ZNF845: variants seen among roughly 807,000 people sequenced by gnomAD.
ZNF845 encodes the protein zinc finger protein 845.
ZNF845 carries 59 observed loss-of-function variants against 76.1 expected under a neutral mutation model. The observed-to-expected ratio is 0.78, with a 90% CI of 0.63 to 0.96. The LOEUF is 0.96. Among genes scored for constraint, ZNF845 ranks in the 40% least tolerant of loss-of-function variants. ZNF845 has a pLI of 0.00. For synonymous variants in ZNF845, 361 were observed against 386.9 expected, an observed-to-expected ratio of 0.93 and a Z score of 0.78; for missense variants, 1,045 against 1,172.8, an observed-to-expected ratio of 0.89 and a Z score of 1.59.
intron 1 of ZNF845, among the ~76,000 whole-genome samples, chr19:53,334,265 G>A (rs2085197100): frequency 6.6e-6 from 1 of 152,150 alleles, no homozygotes; most frequent in Admixed American, 6.5e-5. Flanking sequence ...GACACCGGGT[G>A]TTCTTGCCTG....
chr19:53,343,430 C>T (rs1027162380), intron 2 of ZNF845, among the ~76,000 whole-genome samples: 3 of 152,112 alleles, frequency 2.0e-5, no homozygotes, highest in African/African-American at 7.2e-5. Context: ...CCAGGTCAGG[C>T]GGTTGAAAGG....
At chr19:53,338,680 G>C (rs1326407511) in intron 1 of ZNF845, among the ~76,000 whole-genome samples, 1 of 143,916 alleles carries the variant, frequency 6.9e-6, no homozygotes, top group Non-Finnish European at 1.5e-5. Flanking sequence ...TTCCTTGCCT[G>C]TCACAACACG....
chr19:53,336,777 C>T (rs928901689), intron 1 of ZNF845, among the ~76,000 whole-genome samples: 12 of 152,052 alleles, frequency 7.9e-5, no homozygotes, highest in Non-Finnish European at 1.3e-4. Flanking sequence ...TTCCCATTGA[C>T]ATCTGAATTT....
Position 53,353,599 on chromosome 19 carries a change from A to C in ZNF845, c.*11A>C, listed in dbSNP as rs370651682. 4 of 1,565,268 alleles carry C rather than the reference A, an allele frequency of 2.6e-6. No individual in the cohort carries two copies. In the East Asian group the frequency reaches 9.3e-5, roughly 36 times the overall value. Reference sequence around the variant, plus strand: ...GGAAAGAAACATTAGAAATATGAAGAATGTGACAAAGTTTACAGTTGTAAA... The same window carrying C: ...GGAAAGAAACATTAGAAATATGAAGCATGTGACAAAGTTTACAGTTGTAAA... On this transcript the variant is annotated 3_prime_UTR_variant, in exon 4 of 4. Coordinates refer to ENST00000458035, the MANE Select transcript of ZNF845 (RefSeq NM_138374.3).
chr19:53,337,875 A>C (rs1321403118), intron 1 of ZNF845, among the ~76,000 whole-genome samples: 1 of 151,860 alleles, frequency 6.6e-6, no homozygotes, highest in East Asian at 1.9e-4. Flanking sequence ...CAATTTTTGT[A>C]TTTTTAGTAG....
intron 2 of ZNF845, 111 bp downstream of exon 2, chr19:53,341,433 C>T: frequency 3.4e-6 from 5 of 1,484,480 alleles, no homozygotes; most frequent in East Asian, 2.3e-5. Flanking sequence ...CAGGTTTGCT[C>T]GCACTCACCC....
Position 53,353,344 on chromosome 19 carries a change from A to G in ZNF845, c.2669A>G (p.Asn890Ser). The change falls in exon 4 of 4, where the codon AAT becomes AGT. Residue 890 changes from asparagine (N) to serine (S), a missense_variant. Asn to Ser is a conservative substitution (Grantham distance 46). Transcript: ENST00000458035. ...LHTGEKPYKCNKCGKVFNQQA... is the reference protein window; with the variant it reads ...LHTGEKPYKCSKCGKVFNQQA... ...ACTGGAGAGAAACCTTACAAGTGTA[A>G]TAAATGTGGTAAGGTTTTTAATCAA... 6.2e-7 allele frequency: 1 copy of G among 1,613,672 alleles called. No individual in the cohort carries two copies. The highest frequency in any genetic ancestry group is 8.5e-7 in the Non-Finnish European group (1 of 1,179,800).
At position 53,353,868 on chromosome 19, in the gene ZNF845, GT is replaced by G; in HGVS notation, c.*281del. Reference sequence around the variant, plus strand: ...TGTAATGATTATCACAAAGTCTTCAGTAACACTACAACCGTTTCAAATCATT... The same window carrying G: ...TGTAATGATTATCACAAAGTCTTCAGAACACTACAACCGTTTCAAATCATT... On this transcript the variant is annotated 3_prime_UTR_variant, in exon 4 of 4. Transcript: ENST00000458035. 8.4e-7 allele frequency: 1 copy of G among 1,197,216 alleles called. No individual in the cohort carries two copies. The highest frequency in any genetic ancestry group is 1.5e-5 in the African/African-American group (1 of 65,472). 74.2% of individuals were successfully genotyped at this position (1,197,216 alleles called of 1,614,324 possible).
rs764641258 is a variant in ZNF845 at position 53,351,963 on chromosome 19, C to T, written c.1288C>T (p.Arg430Cys). 8 of 1,613,492 alleles carry T rather than the reference C, an allele frequency of 5.0e-6. No individual in the cohort carries two copies. Among genetic ancestry groups the T allele is most frequent in the East Asian group, 2.2e-5 (1 of 44,838 alleles). ...FSQMSSLVYH[R>C]RLHTGEKPYK... The stretch of plus-strand genomic sequence containing the variant: ...TCAGATGTCATCCCTTGTATACCAT[C>T]GTAGACTTCATACTGGAGAGAAACC... Residue 430 changes from arginine (R) to cysteine (C), a missense_variant, in exon 4 of 4, where the codon CGT (arginine) becomes TGT (cysteine). Arg to Cys is a radical substitution (Grantham distance 180). Transcript: ENST00000458035.
rs745917818 is a variant in ZNF845, at chr19:53,351,024, A to C, written c.349A>C (p.Lys117Gln). 7.4e-6 allele frequency: 12 copies of C among 1,614,092 alleles called. No homozygotes were observed. The South Asian group carries it at 7.7e-5, about 10-fold the overall frequency. The stretch of plus-strand genomic sequence containing the variant: ...CCATGAAGCACCCATGACAGAAATC[A>C]AACAGTTGACGGGTAGTACAAACCG... ...NSHEAPMTEIKQLTGSTNRHD... is the reference protein window; with the variant it reads ...NSHEAPMTEIQQLTGSTNRHD... Residue 117 changes from lysine (K) to glutamine (Q), a missense_variant, in exon 4 of 4, where the codon AAA (lysine) becomes CAA (glutamine). By Grantham distance (53) the Lys-to-Gln change is moderately conservative. Transcript: ENST00000458035.
At chr19:53,340,290 G>A (rs906972622) in intron 1 of ZNF845, among the ~76,000 whole-genome samples, 1 of 152,194 alleles carries the variant, frequency 6.6e-6, no homozygotes, top group Non-Finnish European at 1.5e-5. Flanking sequence ...GACGTCAAGT[G>A]ATCTGTCCGC....
At position 53,352,659 on chromosome 19, in the gene ZNF845, C is replaced by CCTTA. The variant is rs2085349615; in HGVS notation, c.1986_1989dup (p.Arg664LeufsTer4). 6.2e-7 allele frequency: 1 copy of CCTTA among 1,613,634 alleles called. No homozygotes were observed. Among genetic ancestry groups the CCTTA allele is most frequent in the African/African-American group, 1.3e-5 (1 of 74,832 alleles). ...TAGGAGAATTCATACTGGAGAGAAA[C>CCTTA]CTTACAGGTGTAATGAATGTGGCAA... On this transcript the variant is annotated frameshift_variant, in exon 4 of 4. Transcript: ENST00000458035. LOFTEE classifies it high-confidence loss of function.
At position 53,353,727 on chromosome 19, in the gene ZNF845, C is replaced by G. The variant is rs1327355550; in HGVS notation, c.*139C>G. ...CGTGATTCACACCTGGCCCAACAAA[C>G]TAGAAGTCACACTGGAGAGAAACCT... is the stretch of plus-strand genomic sequence containing the variant. On this transcript the variant is annotated 3_prime_UTR_variant, in exon 4 of 4. Coordinates refer to ENST00000458035, the MANE Select transcript of ZNF845 (RefSeq NM_138374.3). 10 of 1,498,204 alleles carry G rather than the reference C, an allele frequency of 6.7e-6. No homozygotes were observed. The highest frequency in any genetic ancestry group is 1.4e-5 in the African/African-American group (1 of 70,504). The allele number at this position is 1,498,204 out of a possible 1,614,324, so 92.8% of individuals were successfully genotyped here. A position where few individuals can be genotyped will look rare whatever the true frequency, so the allele number is the denominator to read the frequency against.
intron 1 of ZNF845, among the ~76,000 whole-genome samples, chr19:53,334,725 ACCC>A (rs59524169): frequency 0.42 from 57,987 of 137,532 alleles, 11,669 homozygotes; most frequent in East Asian, 0.48. Context: ...AAATAGTGAG[ACCC>A]CCCCCCCCAT....
At chr19:53,346,945 A>T (rs34077401) in intron 3 of ZNF845, among the ~76,000 whole-genome samples, 68,250 of 151,684 alleles carry the variant, frequency 0.45, 15,609 homozygotes, top group Admixed American at 0.49. Flanking sequence ...GTGCAATGGC[A>T]CAATCTCAGG....
Position 53,355,041 on chromosome 19 carries a change from C to CTT in ZNF845, c.*1454_*1455insTT, listed in dbSNP as rs2085375256. 6.6e-6 allele frequency: 1 copy of CTT among 151,816 alleles called. No individual in the cohort carries two copies. Among genetic ancestry groups the CTT allele is most frequent in the African/African-American group, 2.4e-5 (1 of 41,306 alleles). The allele number at this position is 151,816 out of a possible 1,614,324, so 9.4% of individuals were successfully genotyped here. ...TTTAAGTGATTCTCCTGCCTACTAA[C>CTT]TGAGATTACAGGTGCCTGCCACCAT... On this transcript the variant is annotated 3_prime_UTR_variant, in exon 4 of 4. Transcript: ENST00000458035.
chr19:53,348,936 A>T (rs2085315243), intron 3 of ZNF845, among the ~76,000 whole-genome samples: 1 of 141,748 alleles, frequency 7.1e-6, no homozygotes, highest in Admixed American at 7.9e-5. Context: ...GTCTCACTGC[A>T]ACCTCCACCG....
At position 53,335,562 on chromosome 19, in the gene ZNF845, C is replaced by T. The variant is rs569898597; in HGVS notation, c.-74+1770C>T. Among the ~76,000 whole-genome samples, 261 of 152,182 alleles carry T rather than the reference C, an allele frequency of 1.7e-3. 2 individuals carry two copies. Among genetic ancestry groups the T allele is most frequent in the Non-Finnish European group, 2.2e-3 (150 of 68,008 alleles). On this transcript the variant is annotated intron_variant, in intron 1 of 3. Transcript: ENST00000458035. ...AGGTGGAATTACAGAGAGGAGCCAC[C>T]GTGCCTGGCCTACATAGTCGTTTTT...
intron 3 of ZNF845, among the ~76,000 whole-genome samples, chr19:53,345,858 T>G (rs1443559167): frequency 3.3e-5 from 5 of 151,532 alleles, no homozygotes; most frequent in Admixed American, 6.6e-5. Flanking sequence ...TTTTTTAGTT[T>G]TTTTTTTTTT....
Sources: allele counts gnomAD v4.1 joint callset (sites outside exome capture counted in the v4.1 genomes callset), GRCh38; gene constraint gnomAD v4.1.1; transcripts MANE v1.5; gene names NCBI Gene and HGNC (gene_info 2026-07-23, HGNC 2026-07-21).